FOCAD: variants seen among roughly 807,000 people sequenced by gnomAD.
The protein encoded by FOCAD is KIAA1797.
Under a neutral mutation model 225.6 loss-of-function variants are expected in FOCAD, and 198 were observed. The ratio of observed to expected loss-of-function variants is 0.88; its 90% confidence interval spans 0.78 to 0.99. The LOEUF is 0.99. Among genes scored for constraint, FOCAD ranks in the 50% least tolerant of loss-of-function variants. The pLI is 0.00. For synonymous variants in FOCAD, 897 were observed against 755.0 expected, an observed-to-expected ratio of 1.19 and a Z score of -3.08; for missense variants, 2,713 against 2,123.6, an observed-to-expected ratio of 1.28 and a Z score of -5.46.
intron 26 of FOCAD, 25 bp from the exon 27 acceptor site, chr9:20,929,333 G>C (rs748921165): frequency 3.8e-6 from 6 of 1,593,694 alleles, no homozygotes; most frequent in Non-Finnish European, 5.2e-6. Flanking sequence ...GGCTAACCCT[G>C]TTTTCTTTCT....
intron 11 of FOCAD, among the ~76,000 whole-genome samples, chr9:20,801,285 C>A (rs1821803590): frequency 6.6e-6 from 1 of 152,130 alleles, no homozygotes; most frequent in South Asian, 2.1e-4. Flanking sequence ...ATGATTAAGT[C>A]AAATTTACAA....
intron 15 of FOCAD, among the ~76,000 whole-genome samples, chr9:20,825,526 C>G (rs991761544): frequency 1.6e-4 from 24 of 152,082 alleles, no homozygotes; most frequent in African/African-American, 5.8e-4. Context: ...TATAGAAAGA[C>G]AGCCTAATTT....
intron 2 of FOCAD, among the ~76,000 whole-genome samples, chr9:20,678,570 T>C (rs953781759): frequency 5.9e-5 from 9 of 152,322 alleles, no homozygotes; most frequent in African/African-American, 1.9e-4. Context: ...AGATATTCTC[T>C]TTTTGCCCCT....
chr9:20,936,457 A>C (rs1197334593), intron 28 of FOCAD, among the ~76,000 whole-genome samples: 1 of 152,228 alleles, frequency 6.6e-6, no homozygotes, highest in Non-Finnish European at 1.5e-5. Flanking sequence ...TTTCAGATGC[A>C]GGCTGAGATT....
intron 33 of FOCAD, 115 bp downstream of exon 33, chr9:20,949,790 T>C: frequency 2.3e-6 from 2 of 875,676 alleles, no homozygotes. Context: ...CTCTGGTTAT[T>C]CCCGCTGAGT....
At chr9:20,979,795 G>A (rs993347013) in intron 37 of FOCAD, among the ~76,000 whole-genome samples, 2 of 152,168 alleles carry the variant, frequency 1.3e-5, no homozygotes, top group African/African-American at 4.8e-5. Context: ...AGCCCTTGCT[G>A]TGCACCTGGT....
chr9:20,752,569 TTA>T (rs1211294902), intron 5 of FOCAD, among the ~76,000 whole-genome samples: 1 of 152,156 alleles, frequency 6.6e-6, no homozygotes, highest in African/African-American at 2.4e-5. Flanking sequence ...TAGCCTTGTA[TTA>T]TAGTTTGAAG....
At chr9:20,874,856 T>G in intron 19 of FOCAD, 49 bp downstream of exon 19, 2 of 1,609,308 alleles carry the variant, frequency 1.2e-6, no homozygotes, top group Non-Finnish European at 1.7e-6. Flanking sequence ...AGTGGTTCGA[T>G]TTGTCTGATT....
In FOCAD at chr9:20,949,020, A is replaced by G. The variant is rs567150592; in HGVS notation, c.3876+92A>G. ...CCCAGTGTTTTAGTATGCTAAGAAC[A>G]GAAGGATTTATGCTCATGGTAATAG... On this transcript the variant is annotated intron_variant, in intron 32 of 43. Transcript: ENST00000338382. 2.6e-6 allele frequency: 3 copies of G among 1,175,874 alleles called. No individual in the cohort carries two copies. The Admixed American group carries it at 5.6e-5, about 22-fold the overall frequency. The allele number at this position is 1,175,874 out of a possible 1,614,324, so 72.8% of individuals were successfully genotyped here. A position where few individuals can be genotyped will look rare whatever the true frequency, so the allele number is the denominator to read the frequency against.
intron 1 of FOCAD, among the ~76,000 whole-genome samples, chr9:20,691,728 C>G (rs1287257536): frequency 6.6e-6 from 1 of 151,618 alleles, no homozygotes; most frequent in Non-Finnish European, 1.5e-5. Context: ...GATCTGCCCA[C>G]TTCGGCCTCC....
In FOCAD at chr9:20,717,794, G is replaced by T; in HGVS notation, c.58G>T (p.Ala20Ser). 1.2e-6 allele frequency: 2 copies of T among 1,610,302 alleles called. No homozygotes were observed. The highest frequency in any genetic ancestry group is 1.7e-6 in the Non-Finnish European group (2 of 1,178,194). ...EFPNSLIQSQ[A>S]VGHLIAAVLK... ...TTCATTAATTTTATTTCTTTTTAAGGCTGTGGGTCATCTTATTGCTGCAGT... is the reference window on the plus strand; with the variant it reads ...TTCATTAATTTTATTTCTTTTTAAGTCTGTGGGTCATCTTATTGCTGCAGT... Residue 20 changes from alanine (A) to serine (S), a missense_variant and splice_region_variant, in exon 3 of 44, where the codon GCT (alanine) becomes TCT (serine). Transcript: ENST00000338382.
In FOCAD at chr9:20,957,963, C is replaced by A. The variant is rs139304059; in HGVS notation, c.4132+4898C>A. On this transcript the variant is annotated intron_variant, in intron 35 of 43. Coordinates refer to ENST00000338382, the MANE Select transcript of FOCAD (RefSeq NM_001375567.1). ...CCCTTCAAAAAGCTTTGCCAGTTTT[C>A]AGTACCTCAGCCCTGTATGAATTTG... is the stretch of plus-strand genomic sequence containing the variant. Among the ~76,000 whole-genome samples, 333 of 152,118 alleles carry A rather than the reference C, an allele frequency of 2.2e-3. 9 individuals are homozygous for A. The East Asian group carries it at 0.043, about 20-fold the overall frequency.
In FOCAD at chr9:20,914,120, C is replaced by T. The variant is rs978667751; in HGVS notation, c.2807+1166C>T. ...TCTTTCCAAAAAAAAAAAAAAGATA[C>T]AGTTAAACCTGCAGTAACTAATAAG... On this transcript the variant is annotated intron_variant, in intron 23 of 43. Transcript: ENST00000338382. Among the ~76,000 whole-genome samples the T allele has an allele frequency of 7.9e-5, 12 of 151,162 alleles. No individual in the cohort carries two copies. In the East Asian group the frequency reaches 2.3e-3, roughly 29 times the overall value.
chr9:20,753,062 G>C (rs1443487887), intron 5 of FOCAD, among the ~76,000 whole-genome samples: 1 of 152,104 alleles, frequency 6.6e-6, no homozygotes, highest in African/African-American at 2.4e-5. Context: ...ATTTTGGGCT[G>C]AGTCAATGGG....
At chr9:20,734,869 C>T (rs1475659) in intron 4 of FOCAD, among the ~76,000 whole-genome samples, 125,162 of 152,134 alleles carry the variant, frequency 0.82, 51,575 homozygotes, top group Admixed American at 0.88. Context: ...ATTCCTGGGC[C>T]CAAGCGATTC....
intron 11 of FOCAD, among the ~76,000 whole-genome samples, chr9:20,801,248 T>C (rs982331707): frequency 1.1e-4 from 16 of 152,170 alleles, no homozygotes; most frequent in African/African-American, 3.9e-4. Context: ...TGAAAAGCGT[T>C]ACATGGGATA....
chr9:20,666,916 C>G (rs1821914123), intron 2 of FOCAD, among the ~76,000 whole-genome samples: 1 of 152,084 alleles, frequency 6.6e-6, no homozygotes, highest in East Asian at 1.9e-4. Flanking sequence ...TATTTTTTGA[C>G]TATGTCTTTG....
intron 1 of FOCAD, among the ~76,000 whole-genome samples, chr9:20,703,286 G>T (rs534927417): frequency 1.3e-5 from 2 of 152,052 alleles, no homozygotes; most frequent in Non-Finnish European, 1.5e-5. Flanking sequence ...AGGCTGAGGG[G>T]CCTGAGAGTT....
At position 20,765,046 on chromosome 9, in the gene FOCAD, G is replaced by C. The variant is rs138365184; in HGVS notation, c.672G>C (p.Leu224=). ...TACTGGAACAGCAGATACTTCAACT[G>C]TGTTGTGACATAGTTCCATGTTTGC... is the stretch of plus-strand genomic sequence containing the variant. ...PSILEQQILQ[L]CCDIVPCLQV... Residue 224 remains leucine, a synonymous_variant, in exon 7 of 44, where the codon CTG becomes CTC. Transcript: ENST00000338382. 1 of 1,613,718 alleles carries C rather than the reference G, an allele frequency of 6.2e-7. No homozygotes were observed. Among genetic ancestry groups the C allele is most frequent in the Non-Finnish European group, 8.5e-7 (1 of 1,179,898 alleles).
Sources: gnomAD v4.1 joint callset for allele counts (sites outside exome capture counted in the v4.1 genomes callset) on GRCh38, gnomAD v4.1.1 for gene constraint, MANE v1.5 for transcripts, NCBI Gene and HGNC (gene_info 2026-07-23, HGNC 2026-07-21) for gene names.